The following NKTR variants were observed in gnomAD, a reference collection of about 807,000 sequenced individuals.
The protein encoded by NKTR is natural killer cell triggering receptor.
A neutral mutation model predicts 156.3 loss-of-function variants in NKTR; 67 were observed. That is an observed-to-expected ratio of 0.43 (90% CI 0.35 to 0.53). The LOEUF (loss-of-function observed/expected upper bound fraction) is 0.53. Among genes scored for constraint, NKTR ranks in the 20% least tolerant of loss-of-function variants. The pLI is 0.01. For missense variants in NKTR, 1,604 were observed against 1,730.9 expected (o/e 0.93, Z 1.30); for synonymous variants, 640 against 596.6 (o/e 1.07, Z -1.06).
At chr3:42,616,943 CAG>C (rs530155673) in intron 2 of NKTR, among the ~76,000 whole-genome samples, 68 of 152,170 alleles carry the variant, frequency 4.5e-4, no homozygotes, top group Middle Eastern at 3.4e-3. Flanking sequence ...TTTGTAGAGA[CAG>C]GGGTCGTTCT....
At chr3:42,634,772 C>A in intron 11 of NKTR, 72 bp downstream of exon 11, 3 of 773,408 alleles carry the variant, frequency 3.9e-6, no homozygotes, top group Non-Finnish European at 6.3e-6. Flanking sequence ...AAAGTCCTAG[C>A]GTTAATTTTA....
At chr3:42,621,195 T>A (rs1707868245) in intron 5 of NKTR, 2 of 1,122,960 alleles carry the variant, frequency 1.8e-6, no homozygotes, top group Admixed American at 5.0e-5. Flanking sequence ...CTAAGGCTGT[T>A]TGTGTGAAGT....
rs143410079 is a variant in NKTR at position 42,637,738 on chromosome 3, T to C, written c.2034T>C (p.Tyr678=). Residue 678 remains tyrosine (Y), a synonymous_variant, in exon 13 of 17, where the codon TAT becomes TAC. Transcript: ENST00000232978. ...EKNSESDQST[Y]SKYSDRSSES... ...ATTCGGAAAGTGATCAGAGCACTTA[T>C]TCAAAATACAGTGATAGAAGTTCAG... 9.3e-6 allele frequency: 15 copies of C among 1,613,892 alleles called. No individual in the cohort carries two copies. Among genetic ancestry groups the C allele is most frequent in the East Asian group, 2.2e-5 (1 of 44,900 alleles).
chr3:42,643,852 A>G (rs1265414516), intron 15 of NKTR, 50 bp from the exon 16 acceptor site: 2 of 1,284,006 alleles, frequency 1.6e-6, no homozygotes, highest in Non-Finnish European at 2.3e-6. Flanking sequence ...ATAGGAACAT[A>G]TGAGTATCTG....
At chr3:42,634,471 G>T (rs1381183427) in intron 10 of NKTR, 142 bp from the exon 11 acceptor site, 2 of 503,806 alleles carry the variant, frequency 4.0e-6, no homozygotes, top group African/African-American at 1.9e-5. Context: ...ATTTTTTAAA[G>T]CCTGATATTG....
intron 9 of NKTR, chr3:42,633,081 C>G (rs1709063108): frequency 9.7e-7 from 1 of 1,027,960 alleles, no homozygotes; most frequent in Non-Finnish European, 1.2e-6. Context: ...GCTCTGTTAT[C>G]CAGGCTGGAA....
At chr3:42,643,506 C>A in intron 15 of NKTR, 111 bp downstream of exon 15, 1 of 857,776 alleles carries the variant, frequency 1.2e-6, no homozygotes, top group Non-Finnish European at 1.9e-6. Flanking sequence ...ATATATTTGT[C>A]TCCTGAAACC....
Position 42,637,266 on chromosome 3 carries a change from C to T in NKTR, c.1562C>T (p.Ser521Leu), listed in dbSNP as rs1216244872. 4.3e-6 allele frequency: 7 copies of T among 1,613,438 alleles called. No homozygotes were observed. The Admixed American group carries it at 1.0e-4, about 23-fold the overall frequency. Residue 521 changes from serine (S) to leucine (L), a missense_variant, in exon 13 of 17, where the codon TCA (serine) becomes TTA (leucine). By Grantham distance (145) the Ser-to-Leu change is moderately radical (BLOSUM62 -2). Coordinates refer to ENST00000232978, the MANE Select transcript of NKTR (RefSeq NM_005385.4). ...CATTCCAGCAGAGACTCATACAGAT[C>T]AAAATCTCACTCACAGTCTTATTCT... ...LTHSSRDSYRSKSHSQSYSRG... is the reference protein window; with the variant it reads ...LTHSSRDSYRLKSHSQSYSRG...
chr3:42,639,691 A>G lies in NKTR; in HGVS notation c.3987A>G (p.Thr1329=). 1.9e-6 allele frequency: 3 copies of G among 1,613,732 alleles called. No individual in the cohort carries two copies. Among genetic ancestry groups the G allele is most frequent in the Non-Finnish European group, 2.5e-6 (3 of 1,179,676 alleles). Residue 1329 remains threonine (T), a synonymous_variant, in exon 13 of 17, where the codon ACA becomes ACG. Coordinates refer to ENST00000232978, the MANE Select transcript of NKTR (RefSeq NM_005385.4). ...CTGAAACCAAATCAAGACACAGAAC[A>G]AGGTCTGTCTCCTATAGTCACTCAA... The part of the protein sequence containing the change: ...SKSETKSRHR[T]RSVSYSHSRS...
intron 2 of NKTR, among the ~76,000 whole-genome samples, chr3:42,616,135 C>T (rs919529966): frequency 5.3e-5 from 8 of 152,072 alleles, no homozygotes; most frequent in Non-Finnish European, 1.2e-4. Context: ...CCGATATGGC[C>T]AGGAATACAA....
intron 3 of NKTR, among the ~76,000 whole-genome samples, chr3:42,618,427 C>T (rs936306481): frequency 6.6e-6 from 1 of 151,512 alleles, no homozygotes; most frequent in East Asian, 1.9e-4. Flanking sequence ...AATTTTTGCA[C>T]TAACTCCTTG....
At position 42,639,169 on chromosome 3, in the gene NKTR, C is replaced by T. The variant is rs141284259; in HGVS notation, c.3465C>T (p.Thr1155=). ...CTCTAGGAAATGCACGGCTTGATACCCCAGATATAAACATTGTTTTGAAGC... is the reference window on the plus strand; with the variant it reads ...CTCTAGGAAATGCACGGCTTGATACTCCAGATATAAACATTGTTTTGAAGC... ...TSPLGNARLD[T]PDINIVLKQD... The change falls in exon 13 of 17, where the codon ACC becomes ACT. Residue 1155 remains threonine, a synonymous_variant. Transcript: ENST00000232978. The T allele has an allele frequency of 1.1e-5, 18 of 1,613,920 alleles. No individual in the cohort carries two copies. Among genetic ancestry groups the T allele is most frequent in the Middle Eastern group, 1.6e-4 (1 of 6,084 alleles).
In NKTR at chr3:42,625,393, T is replaced by A. The variant is rs1439834360; in HGVS notation, c.374+3877T>A. Among the ~76,000 whole-genome samples, 13 of 152,116 alleles carry A rather than the reference T, an allele frequency of 8.5e-5. No homozygotes were observed. In the East Asian group the frequency reaches 2.5e-3, roughly 29 times the overall value. On this transcript the variant is annotated intron_variant, in intron 6 of 16. Coordinates refer to ENST00000232978, the MANE Select transcript of NKTR (RefSeq NM_005385.4). ...AACTTTGAACTTTAAACAAAACATG[T>A]TTGCTACATTTTAACAGTCATAAAT...
intron 6 of NKTR, among the ~76,000 whole-genome samples, chr3:42,625,609 G>A (rs116622708): frequency 0.011 from 1,668 of 152,142 alleles, 25 homozygotes; most frequent in African/African-American, 0.037. Context: ...AACTAGATTC[G>A]GGGTAGAAAT....
chr3:42,627,769 G>A (rs1708530942), intron 6 of NKTR: 3 of 983,014 alleles, frequency 3.1e-6, no homozygotes, highest in African/African-American at 3.5e-5. Context: ...TTTTAGGTAT[G>A]TTTTCATAAG....
At chr3:42,601,258 C>A in intron 2 of NKTR, 194 bp downstream of exon 2, 2 of 439,648 alleles carry the variant, frequency 4.5e-6, no homozygotes, top group Non-Finnish European at 8.2e-6. Context: ...CAGTCCGGGC[C>A]TCTTCCTGCC....
At chr3:42,634,803 C>T in intron 11 of NKTR, 103 bp downstream of exon 11, 1 of 624,336 alleles carries the variant, frequency 1.6e-6, no homozygotes, top group Non-Finnish European at 2.8e-6. Flanking sequence ...AAAATCTGTT[C>T]AAGGAACTAA....
At chr3:42,631,992 C>G (rs1198513840) in intron 8 of NKTR, among the ~76,000 whole-genome samples, 2 of 150,734 alleles carry the variant, frequency 1.3e-5, no homozygotes, top group Non-Finnish European at 2.9e-5. Context: ...TACCCCTAGT[C>G]TTCCTATTCC....
chr3:42,642,377 G>A, intron 13 of NKTR, 124 bp from the exon 14 acceptor site: 3 of 655,404 alleles, frequency 4.6e-6, no homozygotes, highest in Non-Finnish European at 8.2e-6. Flanking sequence ...CATATCCACT[G>A]TGAGGAGTTT....
Sources: allele counts gnomAD v4.1 joint callset (sites outside exome capture counted in the v4.1 genomes callset), GRCh38; gene constraint gnomAD v4.1.1; transcripts MANE v1.5; gene names NCBI Gene and HGNC (gene_info 2026-07-23, HGNC 2026-07-21).